Variants in PRDM5 observed in about 807,000 individuals in gnomAD.
The protein encoded by PRDM5 is PR domain zinc finger protein 5.
PRDM5 carries 56 observed loss-of-function variants against 81.2 expected under a neutral mutation model. The observed-to-expected ratio is 0.69, with a 90% CI of 0.56 to 0.86. PRDM5 has a LOEUF of 0.86. Ranked by LOEUF, PRDM5 falls within the 40% of genes least tolerant of loss-of-function variation. PRDM5 has a pLI of 0.00. For synonymous variants in PRDM5, 267 were observed against 256.4 expected (o/e 1.04, Z -0.39); for missense variants, 697 against 770.1 (o/e 0.91, Z 1.12).
intron 1 of PRDM5, among the ~76,000 whole-genome samples, chr4:120,918,664 A>AT (rs1724514252): frequency 1.5e-5 from 1 of 66,426 alleles, no homozygotes; most frequent in Non-Finnish European, 3.0e-5. Flanking sequence ...TTTACTTAGG[A>AT]TTTTACCTCA....
chr4:120,738,642 T>C (rs1402952881), intron 14 of PRDM5, among the ~76,000 whole-genome samples: 1 of 152,156 alleles, frequency 6.6e-6, no homozygotes, highest in African/African-American at 2.4e-5. Flanking sequence ...AAAAACAAAA[T>C]ACAACTCCCA....
intron 2 of PRDM5, among the ~76,000 whole-genome samples, chr4:120,865,022 A>G (rs1021718550): frequency 1.3e-5 from 2 of 152,230 alleles, no homozygotes; most frequent in African/African-American, 4.8e-5. Context: ...CTGGCAAGAA[A>G]TGCCATCCAA....
chr4:120,856,969 C>T (rs1759946342), intron 2 of PRDM5, among the ~76,000 whole-genome samples: 1 of 152,124 alleles, frequency 6.6e-6, no homozygotes, highest in East Asian at 1.9e-4. Flanking sequence ...ATGATGAAGT[C>T]AACAGTCTCA....
Position 120,853,505 on chromosome 4 carries a change from C to T in PRDM5, c.213G>A (p.Leu71=). The change falls in exon 3 of 16, where the codon TTG becomes TTA. Residue 71 remains leucine (L), a synonymous_variant. Transcript: ENST00000264808. ...TGGAGTGCCGTGGGTTGGTAGCATC[C>T]AAAATGTACAAAACTTCTCCCTTAC... ...RGSKGEVLYI[L]DATNPRHSNW... 1 of 1,613,702 alleles carries T rather than the reference C, an allele frequency of 6.2e-7. No homozygotes were observed. The highest frequency in any genetic ancestry group is 1.1e-5 in the South Asian group (1 of 91,070).
chr4:120,733,834 A>T (rs1455992520), intron 14 of PRDM5, among the ~76,000 whole-genome samples: 1 of 152,080 alleles, frequency 6.6e-6, no homozygotes, highest in Non-Finnish European at 1.5e-5. Context: ...AGACTGAATG[A>T]ATACGTGAAC....
intron 2 of PRDM5, among the ~76,000 whole-genome samples, chr4:120,864,760 A>T (rs1199041841): frequency 2.0e-5 from 3 of 152,210 alleles, no homozygotes; most frequent in Non-Finnish European, 1.5e-5. Flanking sequence ...ACTTGTTCCT[A>T]AAAGATTTTG....
intron 14 of PRDM5, among the ~76,000 whole-genome samples, chr4:120,753,513 G>T (rs989141758): frequency 6.6e-6 from 1 of 151,952 alleles, no homozygotes; most frequent in Admixed American, 6.6e-5. Context: ...TTTCTTAAGG[G>T]GACCACAGAG....
intron 14 of PRDM5, among the ~76,000 whole-genome samples, chr4:120,730,506 G>A (rs1161305338): frequency 6.6e-6 from 1 of 152,140 alleles, no homozygotes; most frequent in African/African-American, 2.4e-5. Flanking sequence ...CAAGATACCT[G>A]TGATACCTTA....
chr4:120,821,145 C>T, intron 4 of PRDM5, 26 bp downstream of exon 4: 1 of 1,610,190 alleles, frequency 6.2e-7, no homozygotes. Flanking sequence ...TTTCTTCTCC[C>T]AGATCACCAA....
chr4:120,844,554 C>T (rs1485844957), intron 3 of PRDM5, among the ~76,000 whole-genome samples: 2 of 152,056 alleles, frequency 1.3e-5, no homozygotes, highest in African/African-American at 4.8e-5. Context: ...CACCATAAAC[C>T]ATACGTATAT....
At chr4:120,785,320 T>C in intron 10 of PRDM5, among the ~76,000 whole-genome samples, 1 of 150,024 alleles carries the variant, frequency 6.7e-6, no homozygotes, top group Middle Eastern at 3.4e-3. Context: ...TGATAAATAG[T>C]AAAAAAAAAA....
intron 2 of PRDM5, among the ~76,000 whole-genome samples, chr4:120,892,465 A>G (rs946661793): frequency 1.3e-5 from 2 of 152,134 alleles, no homozygotes; most frequent in Admixed American, 6.5e-5. Flanking sequence ...TAGATCTATA[A>G]GAACTCATTT....
intron 8 of PRDM5, among the ~76,000 whole-genome samples, chr4:120,802,702 C>T (rs1310213211): frequency 6.6e-6 from 1 of 152,204 alleles, no homozygotes; most frequent in African/African-American, 2.4e-5. Context: ...AAAACCCCAT[C>T]TGTACGTCAC....
chr4:120,725,209 G>GT (rs569396843), intron 14 of PRDM5, among the ~76,000 whole-genome samples: 224 of 141,982 alleles, frequency 1.6e-3, no homozygotes, highest in Middle Eastern at 3.6e-3. Context: ...AACTGCAGAA[G>GT]TTTTTTTTTT....
chr4:120,878,957 C>T (rs1762582833), intron 2 of PRDM5, among the ~76,000 whole-genome samples: 1 of 152,154 alleles, frequency 6.6e-6, no homozygotes, highest in Non-Finnish European at 1.5e-5. Context: ...AATGGTACAG[C>T]CTCTTTGGAA....
At position 120,799,859 on chromosome 4, in the gene PRDM5, T is replaced by C. The variant is rs189817324; in HGVS notation, c.946-114A>G. 8.0e-6 allele frequency: 12 copies of C among 1,502,816 alleles called. No individual in the cohort carries two copies. The African/African-American group carries it at 1.4e-4, about 18-fold the overall frequency. The allele number at this position is 1,502,816 out of a possible 1,614,324, so 93.1% of individuals were successfully genotyped here. On this transcript the variant is annotated intron_variant, in intron 8 of 15. Coordinates refer to ENST00000264808, the MANE Select transcript of PRDM5 (RefSeq NM_018699.4). ...CTGCCACTGCAATACCCAAACTATATATTACAATTCAGCCCTAATTTGTTC... is the reference window on the plus strand; with the variant it reads ...CTGCCACTGCAATACCCAAACTATACATTACAATTCAGCCCTAATTTGTTC...
At chr4:120,738,174 G>C (rs1452067206) in intron 14 of PRDM5, among the ~76,000 whole-genome samples, 1 of 152,232 alleles carries the variant, frequency 6.6e-6, no homozygotes, top group Non-Finnish European at 1.5e-5. Context: ...CTTAAGCAGA[G>C]ATCACCCACG....
Position 120,825,920 on chromosome 4 carries a change from A to T in PRDM5, c.301-4575T>A, listed in dbSNP as rs115825530. The stretch of plus-strand genomic sequence containing the variant: ...AATTGAGGGGTTTCCAAGGATAGGG[A>T]TTACTCAGTGCTAAAACTGAGAGAG... On this transcript the variant is annotated intron_variant, in intron 3 of 15. Transcript: ENST00000264808. 6.7e-3 allele frequency among the ~76,000 whole-genome samples: 1,016 copies of T among 152,172 alleles called. 13 individuals are homozygous for T. The highest frequency in any genetic ancestry group is 0.024 in the African/African-American group (987 of 41,520).
intron 3 of PRDM5, among the ~76,000 whole-genome samples, chr4:120,853,157 A>G (rs901430531): frequency 6.6e-6 from 1 of 152,146 alleles, no homozygotes; most frequent in Non-Finnish European, 1.5e-5. Flanking sequence ...AAGTACCTGA[A>G]AGCGAGATCT....
Sources: gnomAD v4.1 joint callset for allele counts (sites outside exome capture counted in the v4.1 genomes callset) on GRCh38, gnomAD v4.1.1 for gene constraint, MANE v1.5 for transcripts, NCBI Gene and HGNC (gene_info 2026-07-23, HGNC 2026-07-21) for gene names.